The following APBA2 variants were observed in gnomAD, a reference collection of about 807,000 sequenced individuals.
APBA2 encodes amyloid-beta A4 precursor protein-binding family A member 2.
APBA2 carries 30 observed loss-of-function variants against 75.0 expected under a neutral mutation model. The observed-to-expected ratio is 0.40, with a 90% CI of 0.30 to 0.54. APBA2 has a LOEUF of 0.54. Ranked by LOEUF, APBA2 falls within the 20% of genes least tolerant of loss-of-function variation. The pLI is 0.49. For synonymous variants in APBA2, 444 were observed against 409.6 expected, an observed-to-expected ratio of 1.08 and a Z score of -1.01; for missense variants, 801 against 1,016.1, an observed-to-expected ratio of 0.79 and a Z score of 2.88.
rs114853990 is a variant in APBA2 at position 29,074,857 on chromosome 15, C to T, written c.952-64C>T. The stretch of plus-strand genomic sequence containing the variant: ...ACAAAATTGTATCACATTGCATATT[C>T]AGGTTTTGCATCTTGCATTTCTCTA... On this transcript the variant is annotated intron_variant, in intron 4 of 14. Coordinates refer to ENST00000683413, the MANE Select transcript of APBA2 (RefSeq NM_001353788.2). 1,637 of 1,470,066 alleles carry T rather than the reference C, an allele frequency of 1.1e-3. 21 individuals are homozygous for T. In the African/African-American group the frequency reaches 0.019, roughly 17 times the overall value. The allele number at this position is 1,470,066 out of a possible 1,614,324, so 91.1% of individuals were successfully genotyped here.
intron 2 of APBA2, among the ~76,000 whole-genome samples, chr15:28,924,151 C>T (rs1215848404): frequency 6.6e-6 from 1 of 152,186 alleles, no homozygotes; most frequent in Non-Finnish European, 1.5e-5. Flanking sequence ...GCTGGCAGCC[C>T]TGGTGCTGTT....
chr15:28,912,243 G>A (rs1374393064), intron 1 of APBA2, among the ~76,000 whole-genome samples: 1 of 152,218 alleles, frequency 6.6e-6, no homozygotes, highest in Non-Finnish European at 1.5e-5. Context: ...TTTGTGACAT[G>A]TAAGAGTCAG....
At chr15:28,925,748 A>G (rs900071867) in intron 2 of APBA2, among the ~76,000 whole-genome samples, 4 of 152,124 alleles carry the variant, frequency 2.6e-5, no homozygotes, top group South Asian at 2.1e-4. Context: ...TGCTTGTTCT[A>G]TCAATTACTG....
At chr15:28,939,959 G>A (rs1483427362) in intron 2 of APBA2, among the ~76,000 whole-genome samples, 1 of 152,202 alleles carries the variant, frequency 6.6e-6, no homozygotes, top group Non-Finnish European at 1.5e-5. Context: ...TAGTGTACGT[G>A]GCTGTGCGCT....
intron 2 of APBA2, among the ~76,000 whole-genome samples, chr15:28,922,173 C>T (rs915822079): frequency 6.6e-5 from 10 of 152,136 alleles, no homozygotes; most frequent in Admixed American, 5.2e-4. Context: ...GGGGGCATCC[C>T]GGTGGTCAGT....
intron 2 of APBA2, among the ~76,000 whole-genome samples, chr15:28,978,479 AG>A (rs2037456160): frequency 6.6e-6 from 1 of 152,222 alleles, no homozygotes; most frequent in South Asian, 2.1e-4. Flanking sequence ...CTTTAATGGT[AG>A]GACAGAAGGA....
chr15:28,952,956 T>G (rs1374908995), intron 2 of APBA2, among the ~76,000 whole-genome samples: 1 of 152,200 alleles, frequency 6.6e-6, no homozygotes, highest in Admixed American at 6.5e-5. Context: ...CCCTAGTCCA[T>G]GCTCTTTGTA....
chr15:29,112,682 A>G (rs1329424100), intron 13 of APBA2, among the ~76,000 whole-genome samples: 1 of 152,182 alleles, frequency 6.6e-6, no homozygotes, highest in Non-Finnish European at 1.5e-5. Flanking sequence ...TTTCATTTAA[A>G]AAATAACTGT....
chr15:29,108,853 G>A (rs1460132940), intron 13 of APBA2, among the ~76,000 whole-genome samples: 1 of 152,242 alleles, frequency 6.6e-6, no homozygotes, highest in Non-Finnish European at 1.5e-5. Flanking sequence ...ACCAGGCAAT[G>A]GGAAGGCAGG....
intron 11 of APBA2, 83 bp from the exon 12 acceptor site, chr15:29,106,524 G>C: frequency 6.8e-7 from 1 of 1,461,094 alleles, no homozygotes; most frequent in Non-Finnish European, 9.5e-7. Context: ...CCAGGACAGG[G>C]TCAGCCTCAT....
intron 14 of APBA2, among the ~76,000 whole-genome samples, chr15:29,115,283 C>G (rs1056676211): frequency 6.6e-6 from 1 of 151,968 alleles, no homozygotes; most frequent in African/African-American, 2.4e-5. Context: ...TCTCTAGTTC[C>G]TGTTCTTCGG....
intron 13 of APBA2, among the ~76,000 whole-genome samples, chr15:29,109,974 C>T (rs1215889809): frequency 2.0e-5 from 3 of 152,324 alleles, no homozygotes; most frequent in South Asian, 2.1e-4. Flanking sequence ...CGCAGGAGCT[C>T]GCCAGCTGGT....
intron 13 of APBA2, among the ~76,000 whole-genome samples, chr15:29,109,446 G>A (rs1339977862): frequency 7.2e-5 from 11 of 152,156 alleles, no homozygotes; most frequent in Admixed American, 7.2e-4. Context: ...GGGGGCGGTG[G>A]GGGTGAGCTT....
Position 29,070,117 on chromosome 15 carries a change from C to T in APBA2, c.952-4804C>T, listed in dbSNP as rs183808878. ...GTACCCAGTTACATTCGAATTTAGA[C>T]GGGTATAGGATTTTGGTTTTTCAAG... is the stretch of plus-strand genomic sequence containing the variant. On this transcript the variant is annotated intron_variant, in intron 4 of 14. Transcript: ENST00000683413. Among the ~76,000 whole-genome samples, 1,024 of 151,800 alleles carry T rather than the reference C, an allele frequency of 6.7e-3. 7 individuals carry two copies. Among genetic ancestry groups the T allele is most frequent in the Middle Eastern group, 0.027 (8 of 294 alleles).
chr15:28,902,656 T>C (rs1193692881), intron 1 of APBA2, among the ~76,000 whole-genome samples: 1 of 152,222 alleles, frequency 6.6e-6, no homozygotes, highest in African/African-American at 2.4e-5. Flanking sequence ...TTAATAATCA[T>C]GGAAGGTGGC....
intron 8 of APBA2, among the ~76,000 whole-genome samples, chr15:29,094,616 A>G (rs1242215872): frequency 6.6e-6 from 1 of 152,282 alleles, no homozygotes; most frequent in Non-Finnish European, 1.5e-5. Flanking sequence ...TATGACATTT[A>G]GTTGATATGA....
intron 4 of APBA2, among the ~76,000 whole-genome samples, chr15:29,063,868 G>T (rs890009659): frequency 6.6e-6 from 1 of 152,000 alleles, no homozygotes; most frequent in African/African-American, 2.4e-5. Flanking sequence ...CAAAGGAGGT[G>T]GTGAGCCCTG....
chr15:29,057,732 A>G (rs576305817), intron 4 of APBA2, among the ~76,000 whole-genome samples: 1 of 152,336 alleles, frequency 6.6e-6, no homozygotes, highest in African/African-American at 2.4e-5. Flanking sequence ...TTCTCTGTAC[A>G]CACTCTACCA....
At chr15:28,943,913 T>A (rs1430322273) in intron 2 of APBA2, among the ~76,000 whole-genome samples, 1 of 152,146 alleles carries the variant, frequency 6.6e-6, no homozygotes, top group African/African-American at 2.4e-5. Context: ...TTTGTCCTGC[T>A]TGGGGAGGCT....
Sources: gnomAD v4.1 joint callset for allele counts (sites outside exome capture counted in the v4.1 genomes callset) on GRCh38, gnomAD v4.1.1 for gene constraint, MANE v1.5 for transcripts, NCBI Gene and HGNC (gene_info 2026-07-23, HGNC 2026-07-21) for gene names.